Variants in ADAM29 observed in about 807,000 individuals in gnomAD.
The protein encoded by ADAM29 is disintegrin and metalloproteinase domain-containing protein 29.
For missense variants in ADAM29, 969 were observed against 1,001.8 expected, an observed-to-expected ratio of 0.97 and a Z score of 0.44; for synonymous variants, 367 against 342.3, an observed-to-expected ratio of 1.07 and a Z score of -0.80.
At chr4:174,931,816 T>TCACACA (rs34499872) in intron 3 of ADAM29, among the ~76,000 whole-genome samples, 206 of 150,462 alleles carry the variant, frequency 1.4e-3, no homozygotes, top group East Asian at 6.7e-3. Context: ...TCTCTCTCTG[T>TCACACA]CACACACACA....
In ADAM29 at chr4:174,975,873, C is replaced by T. The variant is rs1406450627; in HGVS notation, c.348C>T (p.Leu116=). The change falls in exon 5 of 5, where the codon CTC becomes CTT. Residue 116 remains leucine, a synonymous_variant. Coordinates refer to ENST00000359240, the MANE Select transcript of ADAM29 (RefSeq NM_014269.4). ...GGGACCCAGAATCCCTGGTTTCCCTCAGTACCTGTTTTGGGGGTTTTCAAG... is the reference window on the plus strand; with the variant it reads ...GGGACCCAGAATCCCTGGTTTCCCTTAGTACCTGTTTTGGGGGTTTTCAAG... ...VEGDPESLVS[L]STCFGGFQGI... 1 of 1,613,760 alleles carries T rather than the reference C, an allele frequency of 6.2e-7. No homozygotes were observed. The highest frequency in any genetic ancestry group is 1.1e-5 in the South Asian group (1 of 90,970).
At chr4:174,929,444 A>G (rs537541395) in intron 2 of ADAM29, among the ~76,000 whole-genome samples, 2 of 152,262 alleles carry the variant, frequency 1.3e-5, no homozygotes, top group Admixed American at 1.3e-4. Context: ...AATTTAGGCT[A>G]GCGGACGATT....
chr4:174,968,172 T>C (rs1389140819), intron 4 of ADAM29, among the ~76,000 whole-genome samples: 1 of 152,128 alleles, frequency 6.6e-6, no homozygotes, highest in African/African-American at 2.4e-5. Flanking sequence ...CTTTTTCTTT[T>C]GAGTTAAAAT....
chr4:174,972,503 C>T (rs984044626), intron 4 of ADAM29, among the ~76,000 whole-genome samples: 4 of 152,196 alleles, frequency 2.6e-5, no homozygotes, highest in Admixed American at 2.0e-4. Context: ...GGTGTCTAGA[C>T]TGTACCAGAC....
chr4:174,946,881 T>A (rs1744878422), intron 4 of ADAM29, among the ~76,000 whole-genome samples: 1 of 152,160 alleles, frequency 6.6e-6, no homozygotes, highest in Admixed American at 6.5e-5. Flanking sequence ...CCTGAGCTTT[T>A]TCTGGTTGGT....
intron 4 of ADAM29, among the ~76,000 whole-genome samples, chr4:174,953,299 A>T (rs559576722): frequency 2.8e-4 from 43 of 152,318 alleles, no homozygotes; most frequent in African/African-American, 9.9e-4. Context: ...ACAAAAAAAA[A>T]GAATGCTAAT....
chr4:174,937,768 TC>T (rs1428515065), intron 4 of ADAM29, among the ~76,000 whole-genome samples: 1 of 152,068 alleles, frequency 6.6e-6, no homozygotes, highest in East Asian at 1.9e-4. Context: ...CTATTCCTTA[TC>T]CAAATCACAT....
At chr4:174,953,212 G>GCC (rs1745289411) in intron 4 of ADAM29, among the ~76,000 whole-genome samples, 11 of 152,256 alleles carry the variant, frequency 7.2e-5, no homozygotes, top group Middle Eastern at 3.4e-3. Flanking sequence ...CATGAACCCA[G>GCC]GAGGCGGAGC....
At chr4:174,923,600 A>G (rs1335684711) in intron 2 of ADAM29, among the ~76,000 whole-genome samples, 1 of 148,686 alleles carries the variant, frequency 6.7e-6, no homozygotes, top group Non-Finnish European at 1.5e-5. Flanking sequence ...ATTTTCCACC[A>G]CACATACTTC....
chr4:174,929,150 C>T (rs1031263810), intron 2 of ADAM29, among the ~76,000 whole-genome samples: 2 of 152,098 alleles, frequency 1.3e-5, no homozygotes, highest in African/African-American at 2.4e-5. Flanking sequence ...ATATCCTCTC[C>T]TCTTTGTTTT....
intron 4 of ADAM29, among the ~76,000 whole-genome samples, chr4:174,942,438 A>G (rs1744591800): frequency 6.6e-6 from 1 of 152,180 alleles, no homozygotes; most frequent in Admixed American, 6.5e-5. Flanking sequence ...AGAGGCTCCC[A>G]AAGTTCAACT....
intron 4 of ADAM29, among the ~76,000 whole-genome samples, chr4:174,965,711 T>C (rs1001640079): frequency 3.9e-5 from 6 of 152,064 alleles, no homozygotes; most frequent in Non-Finnish European, 8.8e-5. Context: ...CTGCCTTCTT[T>C]CTGTGTCTGT....
chr4:174,975,640 A>T lies in ADAM29; in HGVS notation c.115A>T (p.Ile39Leu). 6.2e-7 allele frequency: 1 copy of T among 1,613,054 alleles called. No homozygotes were observed. Among genetic ancestry groups the T allele is most frequent in the Non-Finnish European group, 8.5e-7 (1 of 1,179,512 alleles). The change falls in exon 5 of 5, where the codon ATA (isoleucine) becomes TTA (leucine). Residue 39 changes from isoleucine (I) to leucine (L), a missense_variant. Coordinates refer to ENST00000359240, the MANE Select transcript of ADAM29 (RefSeq NM_014269.4). The stretch of plus-strand genomic sequence containing the variant: ...TCCGGATGTGGTGATTCCTGTGAGG[A>T]TAACTGGCACCACCAGAGGCATGAC... ...SPPDVVIPVR[I>L]TGTTRGMTPP...
In ADAM29 at chr4:174,977,547, G is replaced by C. The variant is rs771926549; in HGVS notation, c.2022G>C (p.Lys674Asn). The change falls in exon 5 of 5, where the codon AAG (lysine) becomes AAC (asparagine). Residue 674 changes from lysine (K) to asparagine (N), a missense_variant. Coordinates refer to ENST00000359240, the MANE Select transcript of ADAM29 (RefSeq NM_014269.4). ...SGPPPKRKKKKKFCYLCILLL... is the reference protein window; with the variant it reads ...SGPPPKRKKKNKFCYLCILLL... ...CACCCCCTAAGAGAAAGAAGAAAAA[G>C]AAGTTCTGTTATCTGTGTATATTGT... is the stretch of plus-strand genomic sequence containing the variant. 6.2e-7 allele frequency: 1 copy of C among 1,614,104 alleles called. No individual in the cohort carries two copies.
rs373781538 is a variant in ADAM29, at chr4:174,977,403, A to C, written c.1878A>C (p.Ser626=). 81 of 1,613,844 alleles carry C rather than the reference A, an allele frequency of 5.0e-5. No homozygotes were observed. Among genetic ancestry groups the C allele is most frequent in the Non-Finnish European group, 6.2e-5 (73 of 1,180,010 alleles). The part of the protein sequence containing the change: ...VHITILNSNC[S]PAFCNKRGIC... ...TAACCATCTTGAATAGTAATTGCTC[A>C]CCTGCATTTTGTAACAAGAGGGGCA... The change falls in exon 5 of 5, where the codon TCA becomes TCC. Residue 626 remains serine, a synonymous_variant. Coordinates refer to ENST00000359240, the MANE Select transcript of ADAM29 (RefSeq NM_014269.4).
chr4:174,963,055 T>C (rs753777113), intron 4 of ADAM29, among the ~76,000 whole-genome samples: 37 of 152,202 alleles, frequency 2.4e-4, no homozygotes, highest in Non-Finnish European at 5.0e-4. Flanking sequence ...TGGGACAATC[T>C]ATGAGGTAGT....
At chr4:174,968,976 G>A (rs4128922) in intron 4 of ADAM29, among the ~76,000 whole-genome samples, 73,488 of 151,412 alleles carry the variant, frequency 0.49, 18,476 homozygotes, top group African/African-American at 0.63. Flanking sequence ...TGCTATTCGT[G>A]TTTTTGCATA....
At position 174,944,036 on chromosome 4, in the gene ADAM29, T is replaced by C. The variant is rs1416955398; in HGVS notation, c.-181+7023T>C. On this transcript the variant is annotated intron_variant, in intron 4 of 4. Transcript: ENST00000359240. Reference sequence around the variant, plus strand: ...ACACTGTTATATAGTAATGTTTTATTGTCTATAAATAATTATAAATACAAT... The same window carrying C: ...ACACTGTTATATAGTAATGTTTTATCGTCTATAAATAATTATAAATACAAT... Among the ~76,000 whole-genome samples the C allele has an allele frequency of 2.6e-5, 4 of 151,896 alleles. No homozygotes were observed. The East Asian group carries it at 7.7e-4, about 29-fold the overall frequency.
intron 4 of ADAM29, among the ~76,000 whole-genome samples, chr4:174,946,538 T>A (rs917013655): frequency 1.3e-5 from 2 of 152,178 alleles, no homozygotes; most frequent in African/African-American, 4.8e-5. Context: ...CCTTGTTGAA[T>A]GAAATTGGTG....
Sources: allele counts gnomAD v4.1 joint callset (sites outside exome capture counted in the v4.1 genomes callset), GRCh38; gene constraint gnomAD v4.1.1; transcripts MANE v1.5; gene names NCBI Gene and HGNC (gene_info 2026-07-23, HGNC 2026-07-21).